The following CDC73 variants were observed in gnomAD, a reference collection of about 807,000 sequenced individuals.
CDC73 encodes the protein parafibromin.
In CDC73, 21 loss-of-function variants were observed where a neutral mutation model predicts 83.7. The observed-to-expected ratio is 0.25, with a 90% CI of 0.18 to 0.36. The LOEUF is 0.36. CDC73 is among the 10% of genes least tolerant of loss of function. The pLI is 1.00. For missense variants in CDC73, 342 were observed against 653.3 expected, an observed-to-expected ratio of 0.52 and a Z score of 5.19; for synonymous variants, 224 against 212.9, an observed-to-expected ratio of 1.05 and a Z score of -0.45.
Position 193,147,929 on chromosome 1 carries a change from A to C in CDC73, c.792A>C (p.Ala264=). 6.2e-7 allele frequency: 1 copy of C among 1,613,732 alleles called. No homozygotes were observed. Among genetic ancestry groups the C allele is most frequent in the Non-Finnish European group, 8.5e-7 (1 of 1,179,600 alleles). The change falls in exon 8 of 17, where the codon GCA becomes GCC. Residue 264 remains alanine (A), a synonymous_variant. Transcript: ENST00000367435. Reference sequence around the variant, plus strand: ...TAAAAGCCAGAGAAGAAGGGCGTGCACCTGAACAGCGACCTGCCCCAAATG... The same window carrying C: ...TAAAAGCCAGAGAAGAAGGGCGTGCCCCTGAACAGCGACCTGCCCCAAATG... ...QSVKAREEGR[A]PEQRPAPNAA...
intron 7 of CDC73, among the ~76,000 whole-genome samples, chr1:193,145,966 G>A (rs966006486): frequency 6.6e-6 from 1 of 152,056 alleles, no homozygotes; most frequent in Admixed American, 6.5e-5. Flanking sequence ...TACATTATAG[G>A]GCAGACACCC....
At chr1:193,190,525 A>G (rs183431896) in intron 10 of CDC73, among the ~76,000 whole-genome samples, 10 of 152,340 alleles carry the variant, frequency 6.6e-5, no homozygotes, top group African/African-American at 2.4e-4. Flanking sequence ...CCTGATTGCA[A>G]ATAAGCAATC....
chr1:193,156,624 C>G (rs1193771327), intron 10 of CDC73, among the ~76,000 whole-genome samples: 1 of 152,054 alleles, frequency 6.6e-6, no homozygotes, highest in Admixed American at 6.6e-5. Context: ...TAGCACTCTC[C>G]CCACCCCACC....
chr1:193,242,634 A>G lies in CDC73; in HGVS notation c.1417+6278A>G, dbSNP rs1677881914. On this transcript the variant is annotated intron_variant, in intron 15 of 16. Coordinates refer to ENST00000367435, the MANE Select transcript of CDC73 (RefSeq NM_024529.5). The stretch of plus-strand genomic sequence containing the variant: ...AGATGCCTCTAGTTAGCTATCTTGA[A>G]GCCCCTCTCAAGATATTTTTAATGA... Among the ~76,000 whole-genome samples the G allele has an allele frequency of 2.0e-5, 3 of 152,152 alleles. No individual in the cohort carries two copies. The South Asian group carries it at 6.2e-4, about 32-fold the overall frequency.
chr1:193,122,279 T>C lies in CDC73; in HGVS notation c.79T>C (p.Phe27Leu). The change falls in exon 1 of 17, where the codon TTC becomes CTC. Residue 27 changes from phenylalanine (F) to leucine (L), a missense_variant. By Grantham distance (22) the Phe-to-Leu change is conservative (BLOSUM62 0). Coordinates refer to ENST00000367435, the MANE Select transcript of CDC73 (RefSeq NM_024529.5). ...TGTGGTGAAGGGAGACGAAGTGATC[T>C]TCGGGGAGTTCTCCTGGCCCAAGAA... ...EIVVKGDEVI[F>L]GEFSWPKNVK... 7.4e-6 allele frequency: 12 copies of C among 1,614,144 alleles called. No individual in the cohort carries two copies. Among genetic ancestry groups the C allele is most frequent in the Non-Finnish European group, 1.0e-5 (12 of 1,180,004 alleles).
chr1:193,249,958 T>C, intron 16 of CDC73, 87 bp downstream of exon 16: 1 of 1,228,276 alleles, frequency 8.1e-7, no homozygotes, highest in Non-Finnish European at 1.2e-6. Context: ...GAGTTGTCAG[T>C]CTTATTCCCT....
intron 10 of CDC73, among the ~76,000 whole-genome samples, chr1:193,197,385 A>G (rs1337941689): frequency 1.3e-5 from 2 of 152,188 alleles, no homozygotes; most frequent in Non-Finnish European, 2.9e-5. Context: ...GTTAAAAGAA[A>G]ATTGTTTAAC....
intron 15 of CDC73, among the ~76,000 whole-genome samples, chr1:193,240,942 T>C (rs1353208511): frequency 6.6e-6 from 1 of 152,220 alleles, no homozygotes; most frequent in Non-Finnish European, 1.5e-5. Flanking sequence ...TTTTTCTGTG[T>C]TCTCTTGTAT....
At chr1:193,191,855 G>A (rs1257133223) in intron 10 of CDC73, among the ~76,000 whole-genome samples, 3 of 151,996 alleles carry the variant, frequency 2.0e-5, no homozygotes, top group Non-Finnish European at 2.9e-5. Context: ...AATATAAAGG[G>A]CATGTGTTGA....
At chr1:193,214,608 A>G (rs1400870020) in intron 13 of CDC73, among the ~76,000 whole-genome samples, 1 of 152,218 alleles carries the variant, frequency 6.6e-6, no homozygotes, top group Non-Finnish European at 1.5e-5. Context: ...AGTCCCAGCT[A>G]CATGGGAGGC....
intron 10 of CDC73, among the ~76,000 whole-genome samples, chr1:193,172,439 T>G (rs1413985969): frequency 6.6e-6 from 1 of 152,064 alleles, no homozygotes; most frequent in African/African-American, 2.4e-5. Context: ...ATAAATAGAT[T>G]AGGGAAGAAG....
At position 193,135,375 on chromosome 1, in the gene CDC73, C is replaced by A. The variant is rs201766013; in HGVS notation, c.308-16C>A. The A allele has an allele frequency of 4.6e-4, 745 of 1,603,802 alleles. 5 individuals are homozygous for A. The African/African-American group carries it at 8.7e-3, about 19-fold the overall frequency. On this transcript the variant is annotated splice_polypyrimidine_tract_variant and intron_variant, in intron 3 of 16. Coordinates refer to ENST00000367435, the MANE Select transcript of CDC73 (RefSeq NM_024529.5). ...TTGAAATAGTAATCCTTACGTGAAT[C>A]TTTTTATGTCTTCAGCAACATCGGC...
intron 10 of CDC73, among the ~76,000 whole-genome samples, chr1:193,193,788 TG>T (rs1676958090): frequency 1.7e-5 from 2 of 117,350 alleles, no homozygotes; most frequent in African/African-American, 6.1e-5. Flanking sequence ...GTAGTGTGTG[TG>T]TGTGTGTGTG....
At chr1:193,182,157 G>A (rs763758811) in intron 10 of CDC73, among the ~76,000 whole-genome samples, 7 of 152,110 alleles carry the variant, frequency 4.6e-5, no homozygotes, top group African/African-American at 7.2e-5. Flanking sequence ...GACGGTGCAA[G>A]GTTGATTATG....
rs529360676 is a variant in CDC73, at chr1:193,127,190, C to T, written c.237+1973C>T. ...TCAAGGGGCTGAGGTGGGAGGATCA[C>T]TTGGGCCCAGGAGGTTGAGGCTGCA... On this transcript the variant is annotated intron_variant, in intron 2 of 16. Coordinates refer to ENST00000367435, the MANE Select transcript of CDC73 (RefSeq NM_024529.5). Among the ~76,000 whole-genome samples the T allele has an allele frequency of 2.0e-5, 3 of 151,836 alleles. No individual in the cohort carries two copies. In the South Asian group the frequency reaches 6.2e-4, roughly 31 times the overall value.
intron 10 of CDC73, among the ~76,000 whole-genome samples, chr1:193,184,217 G>T (rs1166070255): frequency 6.6e-6 from 1 of 151,822 alleles, no homozygotes; most frequent in Non-Finnish European, 1.5e-5. Context: ...ATTGATAAAT[G>T]AAGTGCATGT....
intron 14 of CDC73, 80 bp downstream of exon 14, chr1:193,233,234 T>C: frequency 7.3e-7 from 1 of 1,367,086 alleles, no homozygotes; most frequent in South Asian, 1.2e-5. Context: ...GTTGATGACG[T>C]TGCTTTTTAA....
chr1:193,232,872 T>A, intron 13 of CDC73, 121 bp from the exon 14 acceptor site: 2 of 800,306 alleles, frequency 2.5e-6, no homozygotes, highest in South Asian at 3.2e-5. Flanking sequence ...CACTGCACTC[T>A]AGCCTGGGCA....
intron 7 of CDC73, among the ~76,000 whole-genome samples, chr1:193,144,034 T>A (rs143548936): frequency 7.3e-6 from 1 of 137,426 alleles, no homozygotes; most frequent in East Asian, 2.1e-4. Flanking sequence ...TGCTTGAACC[T>A]GTGAGGTGGA....
Sources: gnomAD v4.1 joint callset for allele counts (sites outside exome capture counted in the v4.1 genomes callset) on GRCh38, gnomAD v4.1.1 for gene constraint, MANE v1.5 for transcripts, NCBI Gene and HGNC (gene_info 2026-07-23, HGNC 2026-07-21) for gene names.